SIRPB1: variants seen among roughly 807,000 people sequenced by gnomAD.
SIRPB1 encodes signal-regulatory protein beta-1.
SIRPB1 carries 28 observed loss-of-function variants against 34.1 expected under a neutral mutation model. That is an observed-to-expected ratio of 0.82 (90% CI 0.61 to 1.12). The LOEUF (loss-of-function observed/expected upper bound fraction) is 1.12, where lower values mean the gene tolerates loss of function less well. Ranked by LOEUF, SIRPB1 falls within the 50% of genes most tolerant of loss-of-function variation. The probability of loss-of-function intolerance (pLI) is 0.00; values close to 1 mark genes in which losing one functional copy is unlikely to be tolerated. For synonymous variants in SIRPB1, 211 were observed against 203.8 expected, an observed-to-expected ratio of 1.04 and a Z score of -0.30; for missense variants, 499 against 507.0, an observed-to-expected ratio of 0.98 and a Z score of 0.15.
chr20:1,570,374 AG>A (rs1485015947), intron 4 of SIRPB1: 1 of 156,038 alleles, frequency 6.4e-6, no homozygotes, highest in African/African-American at 2.4e-5. Context: ...CTGGTGGCTG[AG>A]GTCACAGATG....
chr20:1,617,032 G>A (rs1167827937), intron 1 of SIRPB1, among the ~76,000 whole-genome samples: 1 of 152,164 alleles, frequency 6.6e-6, no homozygotes, highest in Non-Finnish European at 1.5e-5. Context: ...CTATAAAAAA[G>A]ATGATAACTA....
chr20:1,618,786 G>A (rs1224441177), intron 1 of SIRPB1, among the ~76,000 whole-genome samples: 1 of 152,162 alleles, frequency 6.6e-6, no homozygotes, highest in South Asian at 2.1e-4. Flanking sequence ...GCTGCACCAG[G>A]AAAGGCCCTC....
rs772292034 is a variant in SIRPB1, at chr20:1,619,969, T to A, written c.-25A>T. ...TTCTGGAGACCTTAGGAGCCTGCTCTGTCCAAACGTCTGTGCTGGGAAGAT... is the reference window on the plus strand; with the variant it reads ...TTCTGGAGACCTTAGGAGCCTGCTCAGTCCAAACGTCTGTGCTGGGAAGAT... On this transcript the variant is annotated 5_prime_UTR_variant, in exon 1 of 6. Coordinates refer to ENST00000381605, the MANE Select transcript of SIRPB1 (RefSeq NM_006065.5). The A allele has an allele frequency of 6.2e-7, 1 of 1,605,336 alleles. No homozygotes were observed. The highest frequency in any genetic ancestry group is 8.5e-7 in the Non-Finnish European group (1 of 1,176,136).
In SIRPB1 at chr20:1,611,853, A is replaced by C. The variant is rs570396725; in HGVS notation, c.76+8016T>G. On this transcript the variant is annotated intron_variant, in intron 1 of 5. Transcript: ENST00000381605. The stretch of plus-strand genomic sequence containing the variant: ...CTCAGCACACTACACGTATTATCTC[A>C]TTTAACCCTCACAACTGGCCTGTGA... 118 of 349,738 alleles carry C rather than the reference A, an allele frequency of 3.4e-4. 42 individuals are homozygous for C. In the African/African-American group the frequency reaches 5.0e-3, roughly 15 times the overall value. 21.7% of individuals were successfully genotyped at this position (349,738 alleles called of 1,614,324 possible).
chr20:1,566,185 G>A lies in SIRPB1; in HGVS notation c.1167C>T (p.Ala389=). ...CCTTCTGTTTCCAGCAGATGTAGAT[G>A]GCAGAGACACCAACCACCAGTAGCA... ...PKLLLVVGVS[A]IYICWKQKA The change falls in exon 5 of 6, where the codon GCC becomes GCT. Residue 389 remains alanine (A), a synonymous_variant. Transcript: ENST00000381605. 6.2e-7 allele frequency: 1 copy of A among 1,611,594 alleles called. No individual in the cohort carries two copies. Among genetic ancestry groups the A allele is most frequent in the Non-Finnish European group, 8.5e-7 (1 of 1,178,884 alleles).
intron 1 of SIRPB1, among the ~76,000 whole-genome samples, chr20:1,617,201 AG>A: frequency 6.6e-6 from 1 of 152,346 alleles, no homozygotes; most frequent in East Asian, 1.9e-4. Flanking sequence ...ATACATCCAA[AG>A]GAAATGACAT....
At chr20:1,569,935 G>C (rs1002591064) in intron 4 of SIRPB1, among the ~76,000 whole-genome samples, 1 of 152,154 alleles carries the variant, frequency 6.6e-6, no homozygotes, top group African/African-American at 2.4e-5. Context: ...ATAGAGAGGG[G>C]GAACACTGGC....
chr20:1,614,900 C>G (rs927780603), intron 1 of SIRPB1, among the ~76,000 whole-genome samples: 1 of 152,114 alleles, frequency 6.6e-6, no homozygotes, highest in Admixed American at 6.5e-5. Context: ...CTATGTACAG[C>G]TTTGTGTTGC....
intron 1 of SIRPB1, among the ~76,000 whole-genome samples, chr20:1,617,498 G>A (rs1349570080): frequency 6.6e-6 from 1 of 152,198 alleles, no homozygotes; most frequent in Non-Finnish European, 1.5e-5. Flanking sequence ...ACTCATAGAA[G>A]TAGATAGTAG....
Position 1,565,203 on chromosome 20 carries a change from C to T in SIRPB1, c.*297G>A, listed in dbSNP as rs950752547. On this transcript the variant is annotated 3_prime_UTR_variant, in exon 6 of 6. Coordinates refer to ENST00000381605, the MANE Select transcript of SIRPB1 (RefSeq NM_006065.5). Reference sequence around the variant, plus strand: ...AGAGTCTGTGGTTTATGGCCAGTCCCAAGGCGACGGATGGGAGAAGTCCTG... The same window carrying T: ...AGAGTCTGTGGTTTATGGCCAGTCCTAAGGCGACGGATGGGAGAAGTCCTG... The T allele has an allele frequency of 2.5e-6, 1 of 396,444 alleles. No individual in the cohort carries two copies. The highest frequency in any genetic ancestry group is 4.4e-6 in the Non-Finnish European group (1 of 225,320). The allele number at this position is 396,444 out of a possible 1,614,324, so 24.6% of individuals were successfully genotyped here.
At chr20:1,566,307 C>G in intron 4 of SIRPB1, 40 bp from the exon 5 acceptor site, 1 of 1,335,210 alleles carries the variant, frequency 7.5e-7, no homozygotes, top group East Asian at 2.4e-5. Context: ...AGAGGGGCCA[C>G]CTGGGAGCTC....
In SIRPB1 at chr20:1,564,835, A is replaced by G; in HGVS notation, c.*665T>C. ...TTTACCATCTCATGTAAGTGGACAC[A>G]TGCATTTTGGAGGCAGAACTGAATA... On this transcript the variant is annotated 3_prime_UTR_variant, in exon 6 of 6. Coordinates refer to ENST00000381605, the MANE Select transcript of SIRPB1 (RefSeq NM_006065.5). The G allele has an allele frequency of 2.5e-6, 1 of 398,452 alleles. No individual in the cohort carries two copies. The highest frequency in any genetic ancestry group is 4.4e-6 in the Non-Finnish European group (1 of 226,004). 24.7% of individuals were successfully genotyped at this position (398,452 alleles called of 1,614,324 possible).
In SIRPB1 at chr20:1,611,566, C is replaced by T. The variant is rs762409255; in HGVS notation, c.76+8303G>A. ...TTCTTTCTGATTGTAGATTAATTCC[C>T]GGCCTGGTCCAGCTCCTCTGAACCA... On this transcript the variant is annotated intron_variant, in intron 1 of 5. Transcript: ENST00000381605. 9 of 1,076,006 alleles carry T rather than the reference C, an allele frequency of 8.4e-6. 3 individuals are homozygous for T. Among genetic ancestry groups the T allele is most frequent in the African/African-American group, 3.6e-5 (1 of 27,648 alleles). 66.7% of individuals were successfully genotyped at this position (1,076,006 alleles called of 1,614,324 possible). A position where few individuals can be genotyped will look rare whatever the true frequency, so the allele number is the denominator to read the frequency against.
intron 1 of SIRPB1, chr20:1,605,075 C>A (rs1388907050): frequency 1.7e-6 from 1 of 587,910 alleles, no homozygotes; most frequent in Non-Finnish European, 2.3e-6. Context: ...AAAGGACCAT[C>A]GATAATCAGG....
Position 1,566,276 on chromosome 20 carries a change from C to T in SIRPB1, c.1085-9G>A. ...AGGAGCCAGCGCTGCTTCTGGAAAT[C>T]AGGGAAGAGGAGGAGCCATGAGAGG... On this transcript the variant is annotated splice_polypyrimidine_tract_variant and intron_variant, in intron 4 of 5. Coordinates refer to ENST00000381605, the MANE Select transcript of SIRPB1 (RefSeq NM_006065.5). The T allele has an allele frequency of 6.3e-7, 1 of 1,576,056 alleles. No individual in the cohort carries two copies. The highest frequency in any genetic ancestry group is 1.1e-5 in the South Asian group (1 of 87,004).
rs1568694980 is a variant in SIRPB1, at chr20:1,583,641, G to A, written c.77-4947C>T. On this transcript the variant is annotated intron_variant, in intron 1 of 5. Coordinates refer to ENST00000381605, the MANE Select transcript of SIRPB1 (RefSeq NM_006065.5). ...AGAGAGAACTCAAAGAGAGGAATGC[G>A]CAAAAGTTCTGTTTTGAGGAAAAGT... Among the ~76,000 whole-genome samples the A allele has an allele frequency of 4.1e-5, 2 of 48,196 alleles. 1 individual carries two copies. Among genetic ancestry groups the A allele is most frequent in the Non-Finnish European group, 7.9e-5 (2 of 25,190 alleles). The allele number at this position is 48,196 out of a possible 152,430, so 31.6% of individuals were successfully genotyped here.
At chr20:1,571,183 A>G (rs756882193) in intron 3 of SIRPB1, 46 bp from the exon 4 acceptor site, 5 of 1,561,240 alleles carry the variant, frequency 3.2e-6, no homozygotes, top group South Asian at 1.2e-5. Flanking sequence ...GCACAGACAG[A>G]TCACAGGGAG....
intron 3 of SIRPB1, 83 bp downstream of exon 3, chr20:1,571,637 C>T (rs1222236252): frequency 1.9e-5 from 30 of 1,590,148 alleles, no homozygotes; most frequent in African/African-American, 4.0e-5. Context: ...AGATTCCAGG[C>T]CTTTCAAGCT....
intron 1 of SIRPB1, among the ~76,000 whole-genome samples, chr20:1,580,082 A>G (rs1297908706): frequency 6.7e-6 from 1 of 148,472 alleles, no homozygotes; most frequent in East Asian, 1.9e-4. Flanking sequence ...CACTACGTAT[A>G]TGTACATGTA....
Sources: allele counts gnomAD v4.1 joint callset (sites outside exome capture counted in the v4.1 genomes callset), GRCh38; gene constraint gnomAD v4.1.1; transcripts MANE v1.5; gene names NCBI Gene and HGNC (gene_info 2026-07-23, HGNC 2026-07-21).